Variants in C11orf65 observed in about 807,000 individuals in gnomAD.
C11orf65 encodes protein MFI.
A neutral mutation model predicts 35.3 loss-of-function variants in C11orf65; 38 were observed. That is an observed-to-expected ratio of 1.08 (90% confidence interval 0.83 to 1.41). C11orf65 has a LOEUF of 1.41. C11orf65 is among the 40% of genes most tolerant of loss of function. The pLI is 0.00. For synonymous variants in C11orf65, 105 were observed against 114.4 expected (o/e 0.92, Z 0.53); for missense variants, 370 against 367.1 (o/e 1.01, Z -0.06).
intron 2 of C11orf65, among the ~76,000 whole-genome samples, chr11:108,450,798 C>T (rs1437136446): frequency 6.6e-6 from 1 of 151,366 alleles, no homozygotes; most frequent in South Asian, 2.1e-4. Flanking sequence ...TAAAAAAAAG[C>T]CTTATCCACC....
intron 3 of C11orf65, among the ~76,000 whole-genome samples, chr11:108,419,297 C>T (rs750612703): frequency 2.6e-5 from 4 of 152,064 alleles, no homozygotes; most frequent in South Asian, 4.1e-4. Context: ...ATTCTAGGAA[C>T]GCTAAGACGA....
intron 7 of C11orf65, among the ~76,000 whole-genome samples, chr11:108,387,856 C>G (rs923880841): frequency 2.0e-5 from 3 of 152,196 alleles, no homozygotes; most frequent in African/African-American, 7.2e-5. Flanking sequence ...TACAATCAGA[C>G]GTTGTGTCTG....
At position 108,345,652 on chromosome 11, in the gene C11orf65, CT is replaced by C. The variant is rs542119648; in HGVS notation, c.227-10361del. On this transcript the variant is annotated intron_variant, in intron 2 of 3. Transcript: ENST00000524755. Reference sequence around the variant, plus strand: ...TGTATCCTGTTCATCTTTATTGCCCCTATATCTGTCATATTTTTATATAAAA... The same window carrying C: ...TGTATCCTGTTCATCTTTATTGCCCCATATCTGTCATATTTTTATATAAAA... The C allele has an allele frequency of 1.6e-4, 173 of 1,082,316 alleles. 3 individuals are homozygous for C. The South Asian group carries it at 2.0e-3, about 13-fold the overall frequency. 67.0% of individuals were successfully genotyped at this position (1,082,316 alleles called of 1,614,324 possible). A position where few individuals can be genotyped will look rare whatever the true frequency, so the allele number is the denominator to read the frequency against.
At chr11:108,316,704 T>A in intron 6 of C11orf65, among the ~76,000 whole-genome samples, 1 of 137,116 alleles carries the variant, frequency 7.3e-6, no homozygotes, top group Admixed American at 8.2e-5. Flanking sequence ...GGTCAGGAGG[T>A]CCAGACCATC....
intron 3 of C11orf65, among the ~76,000 whole-genome samples, chr11:108,425,404 T>A (rs1252504532): frequency 6.6e-6 from 1 of 151,992 alleles, no homozygotes; most frequent in Non-Finnish European, 1.5e-5. Context: ...CTAGAAGAAA[T>A]GGATAAATTC....
chr11:108,432,330 T>C (rs1420239096), intron 2 of C11orf65, among the ~76,000 whole-genome samples: 1 of 152,194 alleles, frequency 6.6e-6, no homozygotes, highest in African/African-American at 2.4e-5. Flanking sequence ...GAATTAATAT[T>C]TGTAGAGCAT....
chr11:108,385,665 G>C (rs1006605213), intron 8 of C11orf65, among the ~76,000 whole-genome samples: 4 of 145,390 alleles, frequency 2.8e-5, no homozygotes, highest in African/African-American at 1.0e-4. Flanking sequence ...CTGGGCGACA[G>C]AGCAAGACTC....
chr11:108,334,573 A>C (rs1217974410), intron 3 of C11orf65, among the ~76,000 whole-genome samples: 1 of 152,164 alleles, frequency 6.6e-6, no homozygotes, highest in African/African-American at 2.4e-5. Flanking sequence ...CTTAGTATCT[A>C]GTTACTTGAT....
intron 2 of C11orf65, among the ~76,000 whole-genome samples, chr11:108,458,393 A>G (rs1431916390): frequency 1.3e-5 from 2 of 150,572 alleles, no homozygotes; most frequent in Non-Finnish European, 3.0e-5. Context: ...TGGTTGGAGA[A>G]GATCACCAGA....
exon 4 of C11orf65, chr11:108,331,497 G>A: frequency 6.2e-7 from 1 of 1,613,162 alleles, no homozygotes; most frequent in Non-Finnish European, 8.5e-7. Context: ...TGTACCAATT[G>A]GCTGCTAGAA....
chr11:108,345,895 T>A (rs786203050), intron 2 of C11orf65: 1 of 1,613,714 alleles, frequency 6.2e-7, no homozygotes, highest in South Asian at 1.1e-5. Flanking sequence ...GCAGTGTAGC[T>A]ACTTCTTCTA....
At chr11:108,430,749 G>C (rs1012626039) in intron 3 of C11orf65, among the ~76,000 whole-genome samples, 1 of 152,042 alleles carries the variant, frequency 6.6e-6, no homozygotes, top group African/African-American at 2.4e-5. Flanking sequence ...TGGGGCTGAA[G>C]CAGGAGGATT....
chr11:108,339,685 C>G (rs558930309), intron 2 of C11orf65, among the ~76,000 whole-genome samples: 2 of 152,180 alleles, frequency 1.3e-5, no homozygotes, highest in South Asian at 4.1e-4. Context: ...TAGAAAAAAG[C>G]CAACCCATTC....
intron 2 of C11orf65, chr11:108,367,875 A>T (rs1390427062): frequency 4.9e-6 from 1 of 205,350 alleles, no homozygotes; most frequent in Non-Finnish European, 1.0e-5. Context: ...TTTGGTATAT[A>T]TTGGTAGTTT....
chr11:108,322,934 G>C (rs2085339946), intron 6 of C11orf65, among the ~76,000 whole-genome samples: 1 of 151,680 alleles, frequency 6.6e-6, no homozygotes, highest in African/African-American at 2.4e-5. Context: ...AGTCTGGCAG[G>C]ATGACAAAGT....
At chr11:108,341,262 C>T (rs1229666494) in intron 2 of C11orf65, among the ~76,000 whole-genome samples, 1 of 152,142 alleles carries the variant, frequency 6.6e-6, no homozygotes, top group Non-Finnish European at 1.5e-5. Flanking sequence ...CAGATCTTCA[C>T]ACCAGTCACT....
At position 108,441,279 on chromosome 11, in the gene C11orf65, G is replaced by A. The variant is rs137954231; in HGVS notation, c.82-9441C>T. 8.5e-4 allele frequency among the ~76,000 whole-genome samples: 129 copies of A among 152,320 alleles called. 1 individual carries two copies. Among genetic ancestry groups the A allele is most frequent in the African/African-American group, 2.6e-3 (108 of 41,566 alleles). ...GCGGCAGCGAGGCTGGAGGAGAGGCGTCTGCCATTGCTGAGGCTTGAGTAG... is the reference window on the plus strand; with the variant it reads ...GCGGCAGCGAGGCTGGAGGAGAGGCATCTGCCATTGCTGAGGCTTGAGTAG... On this transcript the variant is annotated intron_variant, in intron 2 of 8. Coordinates refer to ENST00000393084, the MANE Select transcript of C11orf65 (RefSeq NM_152587.5).
rs146919133 is a variant in C11orf65 at position 108,370,397 on chromosome 11, A to G, written c.226+22811T>C. On this transcript the variant is annotated intron_variant, in intron 2 of 3. Coordinates refer to the C11orf65 transcript ENST00000524755. Reference sequence around the variant, plus strand: ...AGTAATGTTTGGATTTTCTATGTATATAATCATATCATCTATGAATAATGT... The same window carrying G: ...AGTAATGTTTGGATTTTCTATGTATGTAATCATATCATCTATGAATAATGT... Among the ~76,000 whole-genome samples, 13 of 151,974 alleles carry G rather than the reference A, an allele frequency of 8.6e-5. No individual in the cohort carries two copies. The East Asian group carries it at 2.5e-3, about 29-fold the overall frequency.
chr11:108,364,497 G>A (rs904746272), intron 2 of C11orf65, among the ~76,000 whole-genome samples: 3 of 152,214 alleles, frequency 2.0e-5, no homozygotes, highest in Admixed American at 6.5e-5. Flanking sequence ...GATTCCAAAC[G>A]CAGCACCAAA....
Sources: allele counts gnomAD v4.1 joint callset (sites outside exome capture counted in the v4.1 genomes callset), GRCh38; gene constraint gnomAD v4.1.1; transcripts MANE v1.5; gene names NCBI Gene and HGNC (gene_info 2026-07-23, HGNC 2026-07-21).